The following TCF4 variants were observed in gnomAD, a reference collection of about 807,000 sequenced individuals.
TCF4 encodes SL3-3 enhancer factor 2.
Under a neutral mutation model 82.1 loss-of-function variants are expected in TCF4, and 3 were observed. That is an observed-to-expected ratio of 0.04 (90% CI 0.02 to 0.09). The LOEUF is 0.09. Ranked by LOEUF, TCF4 falls within the 10% of genes least tolerant of loss-of-function variation. The pLI, the probability that TCF4 is intolerant of heterozygous loss-of-function variation, is 1.00. For missense variants in TCF4, 518 were observed against 852.7 expected, an observed-to-expected ratio of 0.61 and a Z score of 4.89; for synonymous variants, 276 against 309.6, an observed-to-expected ratio of 0.89 and a Z score of 1.14.
chr18:55,482,694 C>A (rs1334960601), intron 3 of TCF4: 2 of 152,172 alleles, frequency 1.3e-5, no homozygotes, highest in Non-Finnish European at 2.9e-5. Flanking sequence ...TGATAACATA[C>A]CCTCACGCCC....
chr18:55,252,386 C>G (rs1386828302), intron 15 of TCF4, among the ~76,000 whole-genome samples: 1 of 150,970 alleles, frequency 6.6e-6, no homozygotes, highest in Non-Finnish European at 1.5e-5. Context: ...GTGTGTATAT[C>G]AAGATCAAAT....
chr18:55,616,552 A>T (rs1418070951), intron 2 of TCF4, among the ~76,000 whole-genome samples: 1 of 152,090 alleles, frequency 6.6e-6, no homozygotes, highest in Admixed American at 6.6e-5. Context: ...TGTTTTCCAT[A>T]GCAGCTGCAC....
At chr18:55,571,675 T>G (rs2097470075) in intron 3 of TCF4, among the ~76,000 whole-genome samples, 1 of 151,966 alleles carries the variant, frequency 6.6e-6, no homozygotes, top group Non-Finnish European at 1.5e-5. Flanking sequence ...AACAAAAGTC[T>G]TGCTAGGAAG....
At chr18:55,512,092 T>A (rs1170900328) in intron 3 of TCF4, among the ~76,000 whole-genome samples, 1 of 152,160 alleles carries the variant, frequency 6.6e-6, no homozygotes, top group African/African-American at 2.4e-5. Flanking sequence ...ACTACCACGT[T>A]AATAAGATAA....
intron 5 of TCF4, among the ~76,000 whole-genome samples, chr18:55,416,141 T>C (rs148032875): frequency 0.015 from 2,261 of 152,230 alleles, 24 homozygotes; most frequent in Non-Finnish European, 0.022. Context: ...CACACACATA[T>C]AGGTAGGGCA....
At chr18:55,402,731 T>C (rs1346151820) in intron 6 of TCF4, among the ~76,000 whole-genome samples, 1 of 152,208 alleles carries the variant, frequency 6.6e-6, no homozygotes. Flanking sequence ...CTTATACTTT[T>C]AGCTATTGAC....
intron 5 of TCF4, among the ~76,000 whole-genome samples, chr18:55,455,647 G>C (rs781636007): frequency 3.2e-4 from 49 of 151,970 alleles, no homozygotes; most frequent in Non-Finnish European, 5.7e-4. Context: ...AAAATTTCTA[G>C]AGCTGACATC....
chr18:55,412,550 T>C (rs992111050), intron 5 of TCF4, among the ~76,000 whole-genome samples: 4 of 152,160 alleles, frequency 2.6e-5, no homozygotes, highest in Non-Finnish European at 5.9e-5. Context: ...CCAACTCTAG[T>C]GAACCTGACC....
chr18:55,595,445 C>A (rs2097689894), intron 2 of TCF4, among the ~76,000 whole-genome samples: 1 of 152,166 alleles, frequency 6.6e-6, no homozygotes, highest in African/African-American at 2.4e-5. Flanking sequence ...ATCCTTAAGA[C>A]CCAACACACT....
chr18:55,476,768 T>G (rs1416812777), intron 3 of TCF4, among the ~76,000 whole-genome samples: 4 of 152,162 alleles, frequency 2.6e-5, no homozygotes, highest in Non-Finnish European at 4.4e-5. Context: ...ATGCCCAGCC[T>G]ACAGCCCTTG....
chr18:55,461,196 T>C, intron 4 of TCF4, 81 bp from the exon 5 acceptor site: 3 of 1,183,990 alleles, frequency 2.5e-6, no homozygotes, highest in Non-Finnish European at 3.7e-6. Flanking sequence ...CTACCAAAAC[T>C]TCTCCCCTCC....
In TCF4 at chr18:55,360,981, T is replaced by TCCCAAAGTA. The variant is rs2085016957; in HGVS notation, c.370-9979_370-9978insTACTTTGGG. ...ACCTCGTGATCCACCCGCGCTGGCC[T>TCCCAAAGTA]CCCAAAGTGCTGGGATTACAGGCCT... On this transcript the variant is annotated intron_variant, in intron 6 of 19. Coordinates refer to ENST00000354452, the MANE Select transcript of TCF4 (RefSeq NM_001083962.2). 4.6e-5 allele frequency among the ~76,000 whole-genome samples: 7 copies of TCCCAAAGTA among 152,208 alleles called. No homozygotes were observed. In the South Asian group the frequency reaches 1.5e-3, roughly 32 times the overall value.
At chr18:55,497,924 T>C (rs1007492429) in intron 3 of TCF4, among the ~76,000 whole-genome samples, 1 of 152,122 alleles carries the variant, frequency 6.6e-6, no homozygotes, top group African/African-American at 2.4e-5. Context: ...GCTACTACAA[T>C]GAACACAAAA....
intron 6 of TCF4, among the ~76,000 whole-genome samples, chr18:55,397,797 G>A (rs1444382842): frequency 1.3e-5 from 2 of 152,070 alleles, no homozygotes; most frequent in Non-Finnish European, 2.9e-5. Context: ...AAAAATCTAT[G>A]GGTGCATTCT....
chr18:55,477,967 A>G (rs531410041), intron 3 of TCF4, among the ~76,000 whole-genome samples: 1 of 152,290 alleles, frequency 6.6e-6, no homozygotes, highest in Admixed American at 6.5e-5. Flanking sequence ...TACTGGTCTT[A>G]CCAATTCAGT....
At chr18:55,524,175 T>C (rs572851876) in intron 3 of TCF4, among the ~76,000 whole-genome samples, 21 of 152,118 alleles carry the variant, frequency 1.4e-4, no homozygotes, top group Non-Finnish European at 5.9e-5. Context: ...GTTCTCTTTA[T>C]AAAATATGTA....
Position 55,224,808 on chromosome 18 carries a change from T to C in TCF4, c.*3227A>G, listed in dbSNP as rs2046377084. On this transcript the variant is annotated 3_prime_UTR_variant, in exon 20 of 20. Coordinates refer to ENST00000354452, the MANE Select transcript of TCF4 (RefSeq NM_001083962.2). ...TTTCTAGATGAACAGATCCCTATTC[T>C]GCATATTCATAAATTACTTGAATGT... The C allele has an allele frequency of 6.5e-6, 1 of 152,732 alleles. No individual in the cohort carries two copies. Among genetic ancestry groups the C allele is most frequent in the East Asian group, 1.9e-4 (1 of 5,190 alleles). The allele number at this position is 152,732 out of a possible 1,614,324, so 9.5% of individuals were successfully genotyped here. A position where few individuals can be genotyped will look rare whatever the true frequency, so the allele number is the denominator to read the frequency against.
At chr18:55,563,320 T>C (rs1300462782) in intron 3 of TCF4, among the ~76,000 whole-genome samples, 1 of 152,138 alleles carries the variant, frequency 6.6e-6, no homozygotes, top group Non-Finnish European at 1.5e-5. Context: ...AATATTCCAT[T>C]GTGTAACTTC....
At chr18:55,453,939 A>G (rs2095679656) in intron 5 of TCF4, among the ~76,000 whole-genome samples, 1 of 151,980 alleles carries the variant, frequency 6.6e-6, no homozygotes, top group Admixed American at 6.6e-5. Context: ...AGCTCACTGT[A>G]GTGACCTCAA....
Sources: allele counts gnomAD v4.1 joint callset (sites outside exome capture counted in the v4.1 genomes callset), GRCh38; gene constraint gnomAD v4.1.1; transcripts MANE v1.5; gene names NCBI Gene and HGNC (gene_info 2026-07-23, HGNC 2026-07-21).